Variants in PATE1 observed in about 807,000 individuals in gnomAD.
PATE1 encodes prostate and testis expressed 1, also known as prostate and testis expressed protein 1.
PATE1 carries 21 observed loss-of-function variants against 13.1 expected under a neutral mutation model. The ratio of observed to expected loss-of-function variants is 1.61; its 90% CI spans 1.14 to 2.31. The LOEUF is 2.31. PATE1 is among the 30% of genes most tolerant of loss of function. PATE1 has a pLI of 0.00. For synonymous variants in PATE1, 52 were observed against 47.1 expected (o/e 1.10, Z -0.43); for missense variants, 166 against 147.2 (o/e 1.13, Z -0.66).
chr11:125,746,424 G>A, intron 1 of PATE1, 68 bp downstream of exon 1: 3 of 1,534,494 alleles, frequency 2.0e-6, no homozygotes, highest in Non-Finnish European at 2.7e-6. Flanking sequence ...ACCCATGACA[G>A]AGGCCTTCTC....
rs1374392493 is a variant in PATE1 at position 125,747,815 on chromosome 11, G to A, written c.240G>A (p.Met80Ile). 1 of 1,613,664 alleles carries A rather than the reference G, an allele frequency of 6.2e-7. No individual in the cohort carries two copies. Among genetic ancestry groups the A allele is most frequent in the African/African-American group, 1.3e-5 (1 of 74,902 alleles). The change falls in exon 4 of 5, where the codon ATG becomes ATA. Residue 80 changes from methionine to isoleucine, a missense_variant. Physicochemically the swap from Met to Ile is conservative, Grantham distance 10 (BLOSUM62 1). Transcript: ENST00000305738. ...TTEEACMVGR[M>I]FKRDGNPWLT... ...AAGAGGCCTGCATGGTTGGAAGGAT[G>A]TTCAAAAGTAAGTTGTGGGTTGGGG...
chr11:125,746,778 C>A, intron 2 of PATE1, 82 bp downstream of exon 2: 3 of 1,379,842 alleles, frequency 2.2e-6, no homozygotes, highest in South Asian at 1.2e-5. Flanking sequence ...GCACCAGGGG[C>A]CAAAAAAAAC....
At chr11:125,746,896 T>C (rs1312066838) in intron 2 of PATE1, among the ~76,000 whole-genome samples, 200 bp downstream of exon 2, 1 of 152,124 alleles carries the variant, frequency 6.6e-6, no homozygotes, top group Non-Finnish European at 1.5e-5. Flanking sequence ...TAGCATCAAC[T>C]GACAAGGTCA....
intron 2 of PATE1, among the ~76,000 whole-genome samples, chr11:125,746,993 C>T (rs1381141213): frequency 2.0e-5 from 3 of 152,134 alleles, no homozygotes; most frequent in Non-Finnish European, 4.4e-5. Flanking sequence ...AAATCTAAAG[C>T]GTGGCAACTT....
chr11:125,746,768 G>C, intron 2 of PATE1, 72 bp downstream of exon 2: 12 of 1,534,602 alleles, frequency 7.8e-6, no homozygotes, highest in South Asian at 1.1e-5. Flanking sequence ...GGTGAGGTGA[G>C]CACCAGGGGC....
Position 125,748,917 on chromosome 11 carries a change from C to T in PATE1, c.*184C>T, listed in dbSNP as rs189948038. The T allele has an allele frequency of 3.2e-5, 20 of 621,034 alleles. 1 individual carries two copies. Among genetic ancestry groups the T allele is most frequent in the Middle Eastern group, 4.4e-4 (1 of 2,256 alleles). The allele number at this position is 621,034 out of a possible 1,614,324, so 38.5% of individuals were successfully genotyped here. On this transcript the variant is annotated 3_prime_UTR_variant, in exon 5 of 5. Coordinates refer to ENST00000305738, the MANE Select transcript of PATE1 (RefSeq NM_138294.3). Reference sequence around the variant, plus strand: ...CTCTCCTTTTCTACAGTCTCTGTCACGCCCCTTAAAATAAGTAAATAAATA... The same window carrying T: ...CTCTCCTTTTCTACAGTCTCTGTCATGCCCCTTAAAATAAGTAAATAAATA...
At position 125,749,800 on chromosome 11, in the gene PATE1, A is replaced by AATTAT. The variant is rs1228445056; in HGVS notation, c.*1080_*1084dup. On this transcript the variant is annotated 3_prime_UTR_variant, in exon 5 of 5. Transcript: ENST00000305738. ...AGAATGAAGCCTGGAAAGAGTGATGAATTATATTATATTATATAAAAATAA... is the reference window on the plus strand; with the variant it reads ...AGAATGAAGCCTGGAAAGAGTGATGAATTATATTATATTATATTATATAAAAATAA... 6.6e-6 allele frequency: 1 copy of AATTAT among 151,960 alleles called. No homozygotes were observed. The highest frequency in any genetic ancestry group is 1.5e-5 in the Non-Finnish European group (1 of 67,984). The allele number at this position is 151,960 out of a possible 1,614,324, so 9.4% of individuals were successfully genotyped here.
At chr11:125,748,407 T>C (rs887860606) in intron 4 of PATE1, among the ~76,000 whole-genome samples, 193 bp from the exon 5 acceptor site, 2 of 152,192 alleles carry the variant, frequency 1.3e-5, no homozygotes, top group Non-Finnish European at 2.9e-5. Flanking sequence ...CAAATGATCA[T>C]TTTAGACTGC....
chr11:125,747,860 G>A (rs770525388), intron 4 of PATE1, 38 bp downstream of exon 4: 1 of 1,612,450 alleles, frequency 6.2e-7, no homozygotes, highest in African/African-American at 1.3e-5. Flanking sequence ...ACGGGCAGAG[G>A]ACGTATACAG....
chr11:125,746,737 T>G, intron 2 of PATE1, 41 bp downstream of exon 2: 1 of 1,608,182 alleles, frequency 6.2e-7, no homozygotes, highest in Non-Finnish European at 8.5e-7. Flanking sequence ...GGGGAAGGTC[T>G]GAGGAGGAAA....
chr11:125,746,371 T>A lies in PATE1; in HGVS notation c.52+15T>A, dbSNP rs1305683497. The stretch of plus-strand genomic sequence containing the variant: ...CTGCTTTAGGGGTGAGTCCCTAGGG[T>A]TGACAGCTGGTAAGAGTCCTGAATT... On this transcript the variant is annotated intron_variant, in intron 1 of 4. Coordinates refer to ENST00000305738, the MANE Select transcript of PATE1 (RefSeq NM_138294.3). 5 of 1,612,812 alleles carry A rather than the reference T, an allele frequency of 3.1e-6. No individual in the cohort carries two copies. In the African/African-American group the frequency reaches 5.3e-5, roughly 17 times the overall value.
chr11:125,748,993 C>T lies in PATE1; in HGVS notation c.*260C>T. On this transcript the variant is annotated 3_prime_UTR_variant, in exon 5 of 5. Transcript: ENST00000305738. ...TATATCCTGCAGGTTGCTACAAACC[C>T]TTGTGCTTTCACTGTATAGCCAGTT... 1 of 349,210 alleles carries T rather than the reference C, an allele frequency of 2.9e-6. No individual in the cohort carries two copies. Among genetic ancestry groups the T allele is most frequent in the Non-Finnish European group, 5.1e-6 (1 of 196,148 alleles). The allele number at this position is 349,210 out of a possible 1,614,324, so 21.6% of individuals were successfully genotyped here.
In PATE1 at chr11:125,747,375, G is replaced by A. The variant is rs750192693; in HGVS notation, c.89-1G>A. The A allele has an allele frequency of 1.2e-6, 2 of 1,611,790 alleles. No individual in the cohort carries two copies. Among genetic ancestry groups the A allele is most frequent in the South Asian group, 1.1e-5 (1 of 91,048 alleles). ...GTGTTTTCTTTCTCTTGCCAGTACA[G>A]TCAATGAAATAGTTGCTGTGAAAAA... On this transcript the variant is annotated splice_acceptor_variant, in intron 2 of 4. Transcript: ENST00000305738. LOFTEE classifies it high-confidence loss of function.
intron 1 of PATE1, 113 bp from the exon 2 acceptor site, chr11:125,746,548 A>G: frequency 1.4e-6 from 2 of 1,406,242 alleles, no homozygotes; most frequent in South Asian, 1.2e-5. Context: ...CCCTTCCTTT[A>G]TGGGGGGAAA....
chr11:125,748,030 T>G, intron 4 of PATE1: 1 of 654,830 alleles, frequency 1.5e-6, no homozygotes, highest in Admixed American at 3.1e-5. Context: ...GCTAAGGGAT[T>G]AGCATTTTGA....
intron 4 of PATE1, 53 bp downstream of exon 4, chr11:125,747,875 G>T (rs749525673): frequency 2.5e-6 from 4 of 1,607,310 alleles, no homozygotes; most frequent in South Asian, 2.2e-5. Context: ...ATACAGGGAC[G>T]TATCAGCCAC....
At position 125,747,424 on chromosome 11, in the gene PATE1, A is replaced by G. The variant is rs1943283289; in HGVS notation, c.124+13A>G. The G allele has an allele frequency of 2.5e-6, 4 of 1,606,736 alleles. No individual in the cohort carries two copies. The highest frequency in any genetic ancestry group is 3.4e-6 in the Non-Finnish European group (4 of 1,174,040). ...AACAATTTTCCTGGTAAGTATGAAG[A>G]GGACCTGTCTGATCACCTCAGTCTT... is the stretch of plus-strand genomic sequence containing the variant. On this transcript the variant is annotated intron_variant, in intron 3 of 4. Coordinates refer to ENST00000305738, the MANE Select transcript of PATE1 (RefSeq NM_138294.3).
intron 4 of PATE1, among the ~76,000 whole-genome samples, chr11:125,748,277 C>G (rs1181227662): frequency 1.3e-5 from 2 of 152,022 alleles, no homozygotes; most frequent in Non-Finnish European, 2.9e-5. Flanking sequence ...CTTTTTCCAC[C>G]CTTTGTGCTA....
At chr11:125,747,322 A>G (rs1314670567) in intron 2 of PATE1, 54 bp from the exon 3 acceptor site, 1 of 1,557,826 alleles carries the variant, frequency 6.4e-7, no homozygotes. Flanking sequence ...AACCCAATAC[A>G]AGAGTAAATC....
Sources: allele counts gnomAD v4.1 joint callset (sites outside exome capture counted in the v4.1 genomes callset), GRCh38; gene constraint gnomAD v4.1.1; transcripts MANE v1.5; gene names NCBI Gene and HGNC (gene_info 2026-07-23, HGNC 2026-07-21).